The following EXOC6B variants were observed in gnomAD, a reference collection of about 807,000 sequenced individuals.
EXOC6B encodes the protein SEC15 homolog B.
A neutral mutation model predicts 113.5 loss-of-function variants in EXOC6B; 54 were observed. That is an observed-to-expected ratio of 0.48 (90% CI 0.38 to 0.60). EXOC6B has a LOEUF of 0.60. EXOC6B is among the 20% of genes least tolerant of loss of function. The probability of loss-of-function intolerance (pLI) is 0.00; values close to 1 mark genes in which losing one functional copy is unlikely to be tolerated. For synonymous variants in EXOC6B, 357 were observed against 339.0 expected (o/e 1.05, Z -0.58); for missense variants, 797 against 977.5 (o/e 0.82, Z 2.46).
intron 20 of EXOC6B, among the ~76,000 whole-genome samples, chr2:72,294,698 A>G (rs987792731): frequency 2.0e-5 from 3 of 152,074 alleles, no homozygotes; most frequent in Non-Finnish European, 2.9e-5. Flanking sequence ...TGCTACATAG[A>G]TATTTTCTTT....
At chr2:72,823,491 A>AAAAAAAC (rs1278377225) in intron 1 of EXOC6B, among the ~76,000 whole-genome samples, 2 of 150,290 alleles carry the variant, frequency 1.3e-5, no homozygotes, top group African/African-American at 2.4e-5. Context: ...AAAAACAAAA[A>AAAAAAAC]AAAAGACAGT....
chr2:72,277,649 A>G (rs913454294), intron 20 of EXOC6B, among the ~76,000 whole-genome samples: 12 of 151,690 alleles, frequency 7.9e-5, no homozygotes, highest in Admixed American at 2.6e-4. Context: ...CCACCACCAA[A>G]CCCAGCTAAT....
chr2:72,768,030 T>G (rs946120248), intron 1 of EXOC6B, among the ~76,000 whole-genome samples: 1 of 144,418 alleles, frequency 6.9e-6, no homozygotes, highest in East Asian at 2.1e-4. Flanking sequence ...GGCAGGAGAA[T>G]CACATGAACC....
At chr2:72,497,184 G>T (rs1700082599) in intron 13 of EXOC6B, among the ~76,000 whole-genome samples, 1 of 151,728 alleles carries the variant, frequency 6.6e-6, no homozygotes, top group African/African-American at 2.4e-5. Context: ...ATGTTGTCCA[G>T]GATTGTCTCA....
At chr2:72,493,276 T>C (rs1397615285) in intron 15 of EXOC6B, among the ~76,000 whole-genome samples, 6 of 150,632 alleles carry the variant, frequency 4.0e-5, no homozygotes, top group East Asian at 2.0e-4. Flanking sequence ...GCCTCTCTGA[T>C]GAGTTCCAAA....
At chr2:72,218,207 G>A (rs558944369) in intron 20 of EXOC6B, among the ~76,000 whole-genome samples, 1 of 152,348 alleles carries the variant, frequency 6.6e-6, no homozygotes, top group East Asian at 1.9e-4. Flanking sequence ...GATGTGCACA[G>A]TAAGGCTGCA....
chr2:72,232,766 A>G (rs1361251492), intron 20 of EXOC6B, among the ~76,000 whole-genome samples: 20 of 152,174 alleles, frequency 1.3e-4, no homozygotes, highest in Admixed American at 1.3e-3. Flanking sequence ...AGAAATATGT[A>G]TTACTTTTAT....
intron 20 of EXOC6B, among the ~76,000 whole-genome samples, chr2:72,217,061 C>T (rs904180844): frequency 6.6e-6 from 1 of 151,486 alleles, no homozygotes; most frequent in Non-Finnish European, 1.5e-5. Context: ...GTATAGTAAC[C>T]AAGGTATGAG....
At chr2:72,573,504 C>G (rs1704637277) in intron 7 of EXOC6B, among the ~76,000 whole-genome samples, 1 of 152,296 alleles carries the variant, frequency 6.6e-6, no homozygotes. Context: ...AGAAAACATT[C>G]AGGGGAATGA....
chr2:72,570,892 G>A (rs1042953840), intron 7 of EXOC6B, among the ~76,000 whole-genome samples: 3 of 151,974 alleles, frequency 2.0e-5, no homozygotes. Context: ...AAAGCACATG[G>A]TCATAATGCC....
intron 1 of EXOC6B, among the ~76,000 whole-genome samples, chr2:72,767,808 T>TAACAAAAAAAAA (rs1683162295): frequency 7.9e-5 from 1 of 12,680 alleles, no homozygotes; most frequent in African/African-American, 3.0e-4. Context: ...GAGACCTTGT[T>TAACAAAAAAAAA]AAAAAAAAAA....
chr2:72,722,752 C>T (rs376265201), intron 5 of EXOC6B, among the ~76,000 whole-genome samples: 1 of 152,004 alleles, frequency 6.6e-6, no homozygotes, highest in East Asian at 1.9e-4. Context: ...GGATAGAAAG[C>T]CAAAAATTAA....
chr2:72,730,577 G>GACAC (rs1288008767), intron 5 of EXOC6B, among the ~76,000 whole-genome samples: 121 of 69,686 alleles, frequency 1.7e-3, no homozygotes, highest in African/African-American at 6.4e-3. Context: ...TAAACAGACA[G>GACAC]AGACACACAC....
chr2:72,385,899 T>A (rs1015268392), intron 18 of EXOC6B, among the ~76,000 whole-genome samples: 56 of 152,260 alleles, frequency 3.7e-4, no homozygotes, highest in African/African-American at 1.3e-3. Flanking sequence ...GGAACCTTTG[T>A]CAACTGTTGG....
chr2:72,626,582 G>A (rs936697528), intron 6 of EXOC6B, among the ~76,000 whole-genome samples: 1 of 152,082 alleles, frequency 6.6e-6, no homozygotes, highest in African/African-American at 2.4e-5. Flanking sequence ...GAACTGCCTA[G>A]GATGTTTGTG....
chr2:72,470,133 G>C (rs142113246), intron 17 of EXOC6B, among the ~76,000 whole-genome samples: 1 of 152,010 alleles, frequency 6.6e-6, no homozygotes, highest in African/African-American at 2.4e-5. Flanking sequence ...CTGATACTTC[G>C]TTAGGGATTG....
chr2:72,383,660 T>A (rs987115003), intron 18 of EXOC6B, among the ~76,000 whole-genome samples: 2 of 151,798 alleles, frequency 1.3e-5, no homozygotes, highest in Admixed American at 1.3e-4. Context: ...TATAACCAAA[T>A]GAATATAAAT....
chr2:72,290,476 T>C (rs965555636), intron 20 of EXOC6B, among the ~76,000 whole-genome samples: 3 of 152,114 alleles, frequency 2.0e-5, no homozygotes, highest in African/African-American at 7.2e-5. Flanking sequence ...TTCAACAAAA[T>C]TTGTAATTAC....
chr2:72,179,227 A>G lies in EXOC6B; in HGVS notation c.*108T>C. ...TGCACAGGGGTTAATAAAAAAATAC[A>G]TATGCTCTCTTTGAAGAAGAATGCA... is the stretch of plus-strand genomic sequence containing the variant. On this transcript the variant is annotated 3_prime_UTR_variant, in exon 22 of 22. Coordinates refer to ENST00000272427, the MANE Select transcript of EXOC6B (RefSeq NM_015189.3). 1 of 1,282,642 alleles carries G rather than the reference A, an allele frequency of 7.8e-7. No homozygotes were observed. The highest frequency in any genetic ancestry group is 2.9e-5 in the Admixed American group (1 of 34,616). The allele number at this position is 1,282,642 out of a possible 1,614,324, so 79.5% of individuals were successfully genotyped here. A position where few individuals can be genotyped will look rare whatever the true frequency, so the allele number is the denominator to read the frequency against.
Sources: allele counts gnomAD v4.1 joint callset (sites outside exome capture counted in the v4.1 genomes callset), GRCh38; gene constraint gnomAD v4.1.1; transcripts MANE v1.5; gene names NCBI Gene and HGNC (gene_info 2026-07-23, HGNC 2026-07-21).